Variants in KCNQ1 observed in about 807,000 individuals in gnomAD.
KCNQ1 encodes potassium voltage-gated channel subfamily KQT member 1.
In KCNQ1, 49 loss-of-function variants were observed where a neutral mutation model predicts 72.4. The ratio of observed to expected loss-of-function variants is 0.68; its 90% confidence interval spans 0.54 to 0.86. The LOEUF (loss-of-function observed/expected upper bound fraction) is 0.86, where lower values mean the gene tolerates loss of function less well. Among genes scored for constraint, KCNQ1 ranks in the 40% least tolerant of loss-of-function variants. KCNQ1 has a pLI of 0.00. For synonymous variants in KCNQ1, 450 were observed against 412.6 expected, an observed-to-expected ratio of 1.09 and a Z score of -1.10; for missense variants, 790 against 945.1, an observed-to-expected ratio of 0.84 and a Z score of 2.15.
rs36157752 is a variant in KCNQ1 at position 2,458,633 on chromosome 11, C to CTGGA, written c.386+13199_386+13202dup. 0.31 allele frequency among the ~76,000 whole-genome samples: 45,758 copies of CTGGA among 149,676 alleles called. 8,162 individuals carry two copies. The highest frequency in any genetic ancestry group is 0.42 in the Non-Finnish European group (28,121 of 67,036). ...GCTCCCATCCACAATGCTTCCTTGC[C>CTGGA]TGGATGGATGGATGGATGGATGGAT... On this transcript the variant is annotated intron_variant, in intron 1 of 15. Transcript: ENST00000155840. This position sits in a 1 kb window ranked among gnomAD's most constrained non-coding sequence, Gnocchi z 4.6.
In KCNQ1 at chr11:2,547,819, GTC is replaced by G. The variant is rs1847920667; in HGVS notation, c.477+19805_477+19806del. Among the ~76,000 whole-genome samples the G allele has an allele frequency of 1.3e-5, 2 of 152,352 alleles. No individual in the cohort carries two copies. Among genetic ancestry groups the G allele is most frequent in the South Asian group, 4.1e-4 (2 of 4,822 alleles). ...TCTCAGTGGAGCGGCCGGGCTGCGAGTCTCTGTATGGAGGTGAAGGTCCAGAT... is the reference window on the plus strand; with the variant it reads ...TCTCAGTGGAGCGGCCGGGCTGCGAGTCTGTATGGAGGTGAAGGTCCAGAT... On this transcript the variant is annotated intron_variant, in intron 2 of 15. Coordinates refer to ENST00000155840, the MANE Select transcript of KCNQ1 (RefSeq NM_000218.3). This position sits in a 1 kb window ranked among gnomAD's most constrained non-coding sequence, Gnocchi z 4.2.
chr11:2,844,261 T>C (rs1848273242), intron 15 of KCNQ1, among the ~76,000 whole-genome samples: 1 of 152,174 alleles, frequency 6.6e-6, no homozygotes, highest in Non-Finnish European at 1.5e-5. Context: ...GCCTGGGCCC[T>C]TCCCACAAGG....
In KCNQ1 at chr11:2,515,604, CT is replaced by C. The variant is rs1379333482; in HGVS notation, c.387-12323del. Among the ~76,000 whole-genome samples the C allele has an allele frequency of 5.3e-5, 8 of 152,282 alleles. No homozygotes were observed. Among genetic ancestry groups the C allele is most frequent in the Admixed American group, 3.3e-4 (5 of 15,300 alleles). ...TGGGGTGGGGGGTGCACAGGTGCAT[CT>C]GGTCTGCCCAGCCCCTCCTCACCCT... On this transcript the variant is annotated intron_variant, in intron 1 of 15. Coordinates refer to ENST00000155840, the MANE Select transcript of KCNQ1 (RefSeq NM_000218.3). This position sits in a 1 kb window ranked among gnomAD's most constrained non-coding sequence, Gnocchi z 4.7.
At chr11:2,556,537 T>C (rs1848072889) in intron 2 of KCNQ1, among the ~76,000 whole-genome samples, 1 of 152,230 alleles carries the variant, frequency 6.6e-6, no homozygotes, top group Non-Finnish European at 1.5e-5. Context: ...CACAAAATTG[T>C]CTGCTGGAGT....
chr11:2,671,605 C>A lies in KCNQ1; in HGVS notation c.1514+9524C>A, dbSNP rs1251738356. Reference sequence around the variant, plus strand: ...ATACAAGATCAGACTGCACTGCACCCTAAGTATAAACCTTGCCACAGCAGT... The same window carrying A: ...ATACAAGATCAGACTGCACTGCACCATAAGTATAAACCTTGCCACAGCAGT... On this transcript the variant is annotated intron_variant, in intron 11 of 15. Coordinates refer to ENST00000155840, the MANE Select transcript of KCNQ1 (RefSeq NM_000218.3). This position sits in a 1 kb window ranked among gnomAD's most constrained non-coding sequence, Gnocchi z 4.7. 1 of 398,532 alleles carries A rather than the reference C, an allele frequency of 2.5e-6. No homozygotes were observed. Among genetic ancestry groups the A allele is most frequent in the Non-Finnish European group, 4.4e-6 (1 of 226,078 alleles). The allele number at this position is 398,532 out of a possible 1,614,324, so 24.7% of individuals were successfully genotyped here.
chr11:2,511,842 C>T (rs1377725387), intron 1 of KCNQ1, among the ~76,000 whole-genome samples: 1 of 152,194 alleles, frequency 6.6e-6, no homozygotes, highest in African/African-American at 2.4e-5. Flanking sequence ...ACATGCGGGC[C>T]CCTCAATCTG....
rs1258315335 is a variant in KCNQ1, at chr11:2,450,794, C to T, written c.386+5310C>T. The stretch of plus-strand genomic sequence containing the variant: ...TGGCTGGGTGACCACAGGGATGCCG[C>T]GTGACCCTAGTCCAGGGGGCCGCTT... On this transcript the variant is annotated intron_variant, in intron 1 of 15. Transcript: ENST00000155840. This position sits in a 1 kb window ranked among gnomAD's most constrained non-coding sequence, Gnocchi z 7.9. 5.3e-5 allele frequency among the ~76,000 whole-genome samples: 8 copies of T among 152,280 alleles called. No homozygotes were observed. The highest frequency in any genetic ancestry group is 3.3e-4 in the Admixed American group (5 of 15,298).
At position 2,515,712 on chromosome 11, in the gene KCNQ1, C is replaced by T. The variant is rs1219019587; in HGVS notation, c.387-12216C>T. Reference sequence around the variant, plus strand: ...ATGGGGTCACTTCAGTTTGTCCTCCCGGCGCCTTCTAAATATACTCTCTGT... The same window carrying T: ...ATGGGGTCACTTCAGTTTGTCCTCCTGGCGCCTTCTAAATATACTCTCTGT... On this transcript the variant is annotated intron_variant, in intron 1 of 15. Coordinates refer to ENST00000155840, the MANE Select transcript of KCNQ1 (RefSeq NM_000218.3). The surrounding 1 kb of genome is among the most constrained non-coding windows in gnomAD (Gnocchi z 4.7). 2.0e-5 allele frequency among the ~76,000 whole-genome samples: 3 copies of T among 152,142 alleles called. No homozygotes were observed. The highest frequency in any genetic ancestry group is 1.9e-4 in the East Asian group (1 of 5,186).
chr11:2,624,707 T>G lies in KCNQ1; in HGVS notation c.1393+35853T>G. On this transcript the variant is annotated intron_variant, in intron 10 of 15. Coordinates refer to ENST00000155840, the MANE Select transcript of KCNQ1 (RefSeq NM_000218.3). The surrounding 1 kb of genome is among the most constrained non-coding windows in gnomAD (Gnocchi z 4.9). ...CCATAACACTTGTCATTTGTAATTA[T>G]GAAACTCTATATCCATTAAACAATA... 1 of 398,590 alleles carries G rather than the reference T, an allele frequency of 2.5e-6. No homozygotes were observed. The highest frequency in any genetic ancestry group is 4.4e-6 in the Non-Finnish European group (1 of 226,048). 24.7% of individuals were successfully genotyped at this position (398,590 alleles called of 1,614,324 possible).
chr11:2,848,126 GC>G lies in KCNQ1; in HGVS notation c.*127del. On this transcript the variant is annotated 3_prime_UTR_variant, in exon 16 of 16. Transcript: ENST00000155840. ...AGAGAGAAGAGCCCCACTCTCAGAG[GC>G]CCCAATACCCCATGGACCATGCTGT... is the stretch of plus-strand genomic sequence containing the variant. 1.2e-6 allele frequency: 1 copy of G among 839,532 alleles called. No individual in the cohort carries two copies. The highest frequency in any genetic ancestry group is 2.0e-6 in the Non-Finnish European group (1 of 512,804). 52.0% of individuals were successfully genotyped at this position (839,532 alleles called of 1,614,324 possible).
At chr11:2,531,279 C>T (rs569503623) in intron 2 of KCNQ1, among the ~76,000 whole-genome samples, 2 of 151,802 alleles carry the variant, frequency 1.3e-5, no homozygotes, top group African/African-American at 4.8e-5. Flanking sequence ...GCTCCACATG[C>T]CCGTCTGCAG....
chr11:2,733,603 CGGGCACGGT>C (rs1487432104), intron 11 of KCNQ1, among the ~76,000 whole-genome samples: 3 of 151,966 alleles, frequency 2.0e-5, no homozygotes, highest in Admixed American at 2.0e-4. Context: ...GGGAGACAGT[CGGGCACGGT>C]GGGCACCTTG....
intron 6 of KCNQ1, among the ~76,000 whole-genome samples, chr11:2,574,589 C>T (rs1030110995): frequency 2.6e-5 from 4 of 152,182 alleles, no homozygotes; most frequent in African/African-American, 9.7e-5. Context: ...CCACCACCAT[C>T]AGAGCATATC....
chr11:2,614,924 A>G, intron 10 of KCNQ1: 1 of 398,444 alleles, frequency 2.5e-6, no homozygotes, highest in Non-Finnish European at 4.4e-6. Flanking sequence ...ACATTTCTGC[A>G]AATAAAAAGG....
intron 10 of KCNQ1, among the ~76,000 whole-genome samples, chr11:2,597,377 G>A (rs1180553074): frequency 6.6e-6 from 1 of 151,974 alleles, no homozygotes; most frequent in African/African-American, 2.4e-5. Context: ...CCATCATCAG[G>A]ATATTGATTT....
chr11:2,768,981 C>A lies in KCNQ1; in HGVS notation c.1590+62C>A. On this transcript the variant is annotated intron_variant, in intron 12 of 15. Coordinates refer to ENST00000155840, the MANE Select transcript of KCNQ1 (RefSeq NM_000218.3). This position sits in a 1 kb window ranked among gnomAD's most constrained non-coding sequence, Gnocchi z 6.7. ...CCCCTCGCAGCCTGATGCAGCTGCC[C>A]ACACCTCTCCTGGGTTCTCTCCTGC... 1.5e-6 allele frequency: 2 copies of A among 1,337,050 alleles called. No individual in the cohort carries two copies. The highest frequency in any genetic ancestry group is 2.3e-5 in the East Asian group (1 of 43,426). The allele number at this position is 1,337,050 out of a possible 1,614,324, so 82.8% of individuals were successfully genotyped here.
chr11:2,831,068 C>T lies in KCNQ1; in HGVS notation c.1795-16699C>T, dbSNP rs187076180. On this transcript the variant is annotated intron_variant, in intron 15 of 15. Coordinates refer to ENST00000155840, the MANE Select transcript of KCNQ1 (RefSeq NM_000218.3). ...TGAGGGAAGCTGCCCATGCTCTCTG[C>T]GCCCCATTTTCTGGCCTCTGGCATG... 6.8e-4 allele frequency among the ~76,000 whole-genome samples: 104 copies of T among 152,358 alleles called. No homozygotes were observed. In the Middle Eastern group the frequency reaches 0.02, roughly 30 times the overall value.
In KCNQ1 at chr11:2,445,279, CCCGCGCCCCCTGCGTCCCCGG is replaced by C. The variant is rs1233039294; in HGVS notation, c.190_210del (p.Pro64_Pro70del). The C allele has an allele frequency of 7.7e-6, 10 of 1,303,178 alleles. No individual in the cohort carries two copies. The highest frequency in any genetic ancestry group is 1.6e-5 in the African/African-American group (1 of 64,214). The allele number at this position is 1,303,178 out of a possible 1,614,324, so 80.7% of individuals were successfully genotyped here. ...GCCCATCGCGCCCGGCGCCCCAGGT[CCCGCGCCCCCTGCGTCCCCGG>C]CCGCGCCCGCCGCGCCCCCAGTTGC... is the stretch of plus-strand genomic sequence containing the variant. On this transcript the variant is annotated inframe_deletion, in exon 1 of 16. Coordinates refer to ENST00000155840, the MANE Select transcript of KCNQ1 (RefSeq NM_000218.3).
rs1165798961 is a variant in KCNQ1, at chr11:2,549,735, C to G, written c.478-20893C>G. Among the ~76,000 whole-genome samples the G allele has an allele frequency of 6.6e-6, 1 of 152,034 alleles. No individual in the cohort carries two copies. On this transcript the variant is annotated intron_variant, in intron 2 of 15. Transcript: ENST00000155840. The surrounding 1 kb of genome is among the most constrained non-coding windows in gnomAD (Gnocchi z 6.2). Reference sequence around the variant, plus strand: ...GCTCCCCAGGCCTGGTGTGGGGGTGCCTGGGGGGCAGTGGACGTGAGCAGC... The same window carrying G: ...GCTCCCCAGGCCTGGTGTGGGGGTGGCTGGGGGGCAGTGGACGTGAGCAGC...
Sources: allele counts gnomAD v4.1 joint callset (sites outside exome capture counted in the v4.1 genomes callset), GRCh38; gene constraint gnomAD v4.1.1; non-coding constraint Gnocchi (gnomAD v3.1); transcripts MANE v1.5; gene names NCBI Gene and HGNC (gene_info 2026-07-23, HGNC 2026-07-21).